Variants in RBFOX1 observed in about 807,000 individuals in gnomAD.
RBFOX1 encodes RNA binding protein fox-1 homolog 1.
A neutral mutation model predicts 57.7 loss-of-function variants in RBFOX1; 8 were observed. The observed-to-expected ratio is 0.14, with a 90% CI of 0.08 to 0.25. The LOEUF is 0.25. RBFOX1 is among the 10% of genes least tolerant of loss of function. RBFOX1 has a pLI of 1.00. For missense variants in RBFOX1, 611 were observed against 548.5 expected, an observed-to-expected ratio of 1.11 and a Z score of -1.14; for synonymous variants, 326 against 222.4, an observed-to-expected ratio of 1.47 and a Z score of -4.15.
chr16:5,904,218 T>A (rs2058383920), intron 4 of RBFOX1, among the ~76,000 whole-genome samples: 1 of 152,102 alleles, frequency 6.6e-6, no homozygotes, highest in African/African-American at 2.4e-5. Flanking sequence ...TCGGCAAGCC[T>A]TGAAATTCTT....
intron 1 of RBFOX1, among the ~76,000 whole-genome samples, chr16:5,277,578 G>A (rs1294880403): frequency 3.3e-5 from 5 of 151,880 alleles, no homozygotes; most frequent in African/African-American, 1.2e-4. Flanking sequence ...CCTCTTCCCA[G>A]CCTCTGGTAA....
chr16:5,335,849 A>C (rs1439882470), intron 1 of RBFOX1, among the ~76,000 whole-genome samples: 1 of 152,150 alleles, frequency 6.6e-6, no homozygotes, highest in Non-Finnish European at 1.5e-5. Context: ...AGATGTTCTC[A>C]GACTGCCGAC....
intron 1 of RBFOX1, among the ~76,000 whole-genome samples, chr16:6,087,448 G>A (rs1165426108): frequency 6.6e-6 from 1 of 151,930 alleles, no homozygotes; most frequent in Non-Finnish European, 1.5e-5. Flanking sequence ...GATAACTATT[G>A]CTAACACTTT....
chr16:7,065,030 C>T (rs569698728), intron 4 of RBFOX1, among the ~76,000 whole-genome samples: 8 of 152,090 alleles, frequency 5.3e-5, no homozygotes, highest in Non-Finnish European at 1.0e-4. Context: ...CTCTATTGTT[C>T]GATATGGATG....
chr16:6,871,190 C>T (rs146033243), intron 3 of RBFOX1, among the ~76,000 whole-genome samples: 242 of 152,110 alleles, frequency 1.6e-3, no homozygotes, highest in African/African-American at 5.5e-3. Flanking sequence ...AGAAAATCAC[C>T]CCTGCTTTTT....
At chr16:6,728,987 A>G (rs1335266706) in intron 3 of RBFOX1, among the ~76,000 whole-genome samples, 1 of 152,200 alleles carries the variant, frequency 6.6e-6, no homozygotes, top group Non-Finnish European at 1.5e-5. Context: ...CTTTACCAGC[A>G]TTCATTTTTG....
At chr16:7,147,223 A>G (rs1380889162) in intron 4 of RBFOX1, among the ~76,000 whole-genome samples, 1 of 150,288 alleles carries the variant, frequency 6.7e-6, no homozygotes, top group African/African-American at 2.4e-5. Flanking sequence ...CAGGCTGGTC[A>G]GGAACTCCTG....
intron 1 of RBFOX1, among the ~76,000 whole-genome samples, chr16:6,023,710 C>G (rs2095129951): frequency 6.6e-6 from 1 of 152,206 alleles, no homozygotes; most frequent in African/African-American, 2.4e-5. Context: ...ACACAGTAAG[C>G]ATCATCCACA....
At chr16:7,658,231 G>T (rs1219091078) in intron 12 of RBFOX1, among the ~76,000 whole-genome samples, 1 of 152,104 alleles carries the variant, frequency 6.6e-6, no homozygotes, top group Non-Finnish European at 1.5e-5. Context: ...GAGTACAAAA[G>T]AAGATCCCAT....
At chr16:5,703,337 A>G (rs2051119760) in intron 3 of RBFOX1, among the ~76,000 whole-genome samples, 1 of 152,180 alleles carries the variant, frequency 6.6e-6, no homozygotes, top group Non-Finnish European at 1.5e-5. Context: ...TGGCCATGCA[A>G]AGAGGGCAGG....
intron 2 of RBFOX1, among the ~76,000 whole-genome samples, chr16:5,578,137 C>G (rs572077310): frequency 6.6e-6 from 1 of 151,996 alleles, no homozygotes; most frequent in Non-Finnish European, 1.5e-5. Flanking sequence ...ATTTTAGTAG[C>G]GACAGGGTTT....
intron 4 of RBFOX1, among the ~76,000 whole-genome samples, chr16:7,389,721 C>A (rs1292362409): frequency 6.6e-6 from 1 of 152,064 alleles, no homozygotes. Flanking sequence ...TTGGTTAGGC[C>A]ATGGTATTAT....
chr16:6,839,042 T>A (rs1309707146), intron 3 of RBFOX1, among the ~76,000 whole-genome samples: 2 of 151,980 alleles, frequency 1.3e-5, no homozygotes, highest in Admixed American at 6.6e-5. Flanking sequence ...TGGAGTGCAG[T>A]GCTGTGATCT....
In RBFOX1 at chr16:6,019,711, C is replaced by T; in HGVS notation, c.-408C>T. On this transcript the variant is annotated 5_prime_UTR_variant, in exon 1 of 16. Transcript: ENST00000550418. The surrounding 1 kb of genome is among the most constrained non-coding windows in gnomAD (Gnocchi z 4.2). ...GAGCTTCTTGCCCAGGCAGAGAGAGCAGGAGCGGACCGCGCGCCCGGGATT... is the reference window on the plus strand; with the variant it reads ...GAGCTTCTTGCCCAGGCAGAGAGAGTAGGAGCGGACCGCGCGCCCGGGATT... 7.3e-7 allele frequency: 1 copy of T among 1,368,160 alleles called. No individual in the cohort carries two copies. The highest frequency in any genetic ancestry group is 9.4e-7 in the Non-Finnish European group (1 of 1,060,784). 84.8% of individuals were successfully genotyped at this position (1,368,160 alleles called of 1,614,324 possible).
At chr16:6,778,807 G>C (rs1203437515) in intron 3 of RBFOX1, among the ~76,000 whole-genome samples, 2 of 151,456 alleles carry the variant, frequency 1.3e-5, no homozygotes, top group Non-Finnish European at 2.9e-5. Flanking sequence ...ATTATTGATT[G>C]AACCAATAAA....
At chr16:7,469,000 C>G (rs2067491667) in intron 4 of RBFOX1, among the ~76,000 whole-genome samples, 1 of 151,966 alleles carries the variant, frequency 6.6e-6, no homozygotes, top group Admixed American at 6.6e-5. Flanking sequence ...GTGTTGCCAT[C>G]TCGGCTCGCT....
chr16:6,969,895 C>T (rs527996279), intron 3 of RBFOX1, among the ~76,000 whole-genome samples: 4 of 152,162 alleles, frequency 2.6e-5, no homozygotes, highest in African/African-American at 9.7e-5. Flanking sequence ...TGTTGTGTCA[C>T]TTGAGACTCT....
At chr16:5,432,597 C>G (rs1221790496) in intron 1 of RBFOX1, among the ~76,000 whole-genome samples, 3 of 109,130 alleles carry the variant, frequency 2.7e-5, no homozygotes, top group African/African-American at 7.0e-5. Context: ...TTTTTCCTCT[C>G]TAGCAAAAAT....
At chr16:6,714,234 C>A (rs986070471) in intron 3 of RBFOX1, among the ~76,000 whole-genome samples, 1 of 152,132 alleles carries the variant, frequency 6.6e-6, no homozygotes, top group African/African-American at 2.4e-5. Flanking sequence ...TCCAGCCATG[C>A]AGAACTGTGA....
Sources: allele counts gnomAD v4.1 joint callset (sites outside exome capture counted in the v4.1 genomes callset), GRCh38; gene constraint gnomAD v4.1.1; non-coding constraint Gnocchi (gnomAD v3.1); transcripts MANE v1.5; gene names NCBI Gene and HGNC (gene_info 2026-07-23, HGNC 2026-07-21).